Variants in NAPB observed in about 807,000 individuals in gnomAD.
NAPB encodes beta-soluble NSF attachment protein.
NAPB carries 26 observed loss-of-function variants against 44.7 expected under a neutral mutation model. The ratio of observed to expected loss-of-function variants is 0.58; its 90% CI spans 0.43 to 0.81. The LOEUF is 0.81. Ranked by LOEUF, NAPB falls within the 30% of genes least tolerant of loss-of-function variation. NAPB has a pLI of 0.00. For synonymous variants in NAPB, 120 were observed against 116.8 expected (o/e 1.03, Z -0.18); for missense variants, 315 against 356.4 (o/e 0.88, Z 0.94).
Position 23,395,200 on chromosome 20 carries a change from T to C in NAPB, c.296-15A>G. On this transcript the variant is annotated splice_polypyrimidine_tract_variant and intron_variant, in intron 3 of 10. Transcript: ENST00000377026. The stretch of plus-strand genomic sequence containing the variant: ...GTTGATAGCCTCTGAAGCGTAGGCA[T>C]TTAAGAAAAACAATGAAAAATCCAT... 1 of 1,613,940 alleles carries C rather than the reference T, an allele frequency of 6.2e-7. No individual in the cohort carries two copies. Among genetic ancestry groups the C allele is most frequent in the Non-Finnish European group, 8.5e-7 (1 of 1,179,874 alleles).
rs139307903 is a variant in NAPB at position 23,391,973 on chromosome 20, G to A, written c.421-1709C>T. The stretch of plus-strand genomic sequence containing the variant: ...TTAAGTGGCTTCAAGGCAGCTCCTA[G>A]TGAGTTAGAAGAGATTTGCAGGGAC... On this transcript the variant is annotated intron_variant, in intron 5 of 10. Transcript: ENST00000377026. 6.4e-4 allele frequency among the ~76,000 whole-genome samples: 97 copies of A among 152,364 alleles called. 3 individuals carry two copies. The East Asian group carries it at 0.018, about 28-fold the overall frequency.
At chr20:23,384,102 ATTC>A (rs1311091211) in intron 7 of NAPB, among the ~76,000 whole-genome samples, 1 of 152,202 alleles carries the variant, frequency 6.6e-6, no homozygotes, top group Non-Finnish European at 1.5e-5. Context: ...AAAATACAGT[ATTC>A]TTAGGAATTC....
At chr20:23,418,543 T>TC (rs1267574202) in intron 1 of NAPB, among the ~76,000 whole-genome samples, 1 of 151,986 alleles carries the variant, frequency 6.6e-6, no homozygotes, top group Non-Finnish European at 1.5e-5. Flanking sequence ...CTGCAAGCTT[T>TC]CCTGGAGCAA....
rs1158399804 is a variant in NAPB at position 23,390,279 on chromosome 20, A to G, written c.421-15T>C. The G allele has an allele frequency of 1.3e-6, 2 of 1,597,098 alleles. No homozygotes were observed. Among genetic ancestry groups the G allele is most frequent in the Non-Finnish European group, 1.7e-6 (2 of 1,165,260 alleles). The stretch of plus-strand genomic sequence containing the variant: ...TGTGCAATAGCCTGAAAACATACAT[A>G]TTTTATTCACACACAATTTATTTGG... On this transcript the variant is annotated splice_polypyrimidine_tract_variant and intron_variant, in intron 5 of 10. Coordinates refer to ENST00000377026, the MANE Select transcript of NAPB (RefSeq NM_022080.3).
At chr20:23,417,320 G>A (rs1204344177) in intron 1 of NAPB, among the ~76,000 whole-genome samples, 1 of 152,176 alleles carries the variant, frequency 6.6e-6, no homozygotes, top group African/African-American at 2.4e-5. Context: ...CTGACCTCAA[G>A]TGATCCACCC....
intron 2 of NAPB, among the ~76,000 whole-genome samples, chr20:23,402,070 A>G (rs915374436): frequency 5.3e-5 from 8 of 152,268 alleles, no homozygotes; most frequent in African/African-American, 1.7e-4. Context: ...AAAATAGCAT[A>G]TCTAAAGCCT....
chr20:23,405,574 A>C (rs1025227004), intron 1 of NAPB, among the ~76,000 whole-genome samples: 1 of 152,100 alleles, frequency 6.6e-6, no homozygotes, highest in African/African-American at 2.4e-5. Context: ...AAATACAAAA[A>C]TTAGCTGGGC....
chr20:23,380,264 A>C (rs1318624934), intron 8 of NAPB, among the ~76,000 whole-genome samples: 2 of 152,196 alleles, frequency 1.3e-5, no homozygotes, highest in Non-Finnish European at 2.9e-5. Flanking sequence ...ATTCCAAATA[A>C]ATTACATTTA....
chr20:23,402,398 T>C (rs1429638719), intron 2 of NAPB, among the ~76,000 whole-genome samples: 1 of 152,100 alleles, frequency 6.6e-6, no homozygotes, highest in Non-Finnish European at 1.5e-5. Context: ...CCAATGAAAA[T>C]AATAATCCTG....
At chr20:23,402,197 G>A (rs1984903641) in intron 2 of NAPB, among the ~76,000 whole-genome samples, 1 of 152,092 alleles carries the variant, frequency 6.6e-6, no homozygotes, top group Non-Finnish European at 1.5e-5. Context: ...CCTTGAAACA[G>A]CTTGTAGAGG....
At chr20:23,410,775 T>C (rs1356684064) in intron 1 of NAPB, among the ~76,000 whole-genome samples, 1 of 152,028 alleles carries the variant, frequency 6.6e-6, no homozygotes, top group East Asian at 1.9e-4. Context: ...TTAAAATACG[T>C]TCCCTAAAAC....
intron 1 of NAPB, among the ~76,000 whole-genome samples, chr20:23,417,097 T>C (rs1986056802): frequency 6.6e-6 from 1 of 151,598 alleles, no homozygotes; most frequent in Non-Finnish European, 1.5e-5. Context: ...TTTTTTTTTT[T>C]TTTTGAGACG....
chr20:23,383,127 C>T (rs931076428), intron 7 of NAPB, among the ~76,000 whole-genome samples: 12 of 136,810 alleles, frequency 8.8e-5, no homozygotes, highest in East Asian at 2.1e-4. Flanking sequence ...TAAACTGGCA[C>T]GCCTGGGCGA....
chr20:23,387,799 G>T (rs1983639194), intron 7 of NAPB, among the ~76,000 whole-genome samples: 2 of 152,152 alleles, frequency 1.3e-5, no homozygotes, highest in Admixed American at 1.3e-4. Context: ...GTATTGTTAA[G>T]ATGGCAATAC....
rs1375697331 is a variant in NAPB at position 23,379,684 on chromosome 20, C to G, written c.735+183G>C. 7.5e-6 allele frequency: 5 copies of G among 664,262 alleles called. No homozygotes were observed. The Admixed American group carries it at 9.1e-5, about 12-fold the overall frequency. 41.1% of individuals were successfully genotyped at this position (664,262 alleles called of 1,614,324 possible). On this transcript the variant is annotated intron_variant, in intron 9 of 10. Transcript: ENST00000377026. The stretch of plus-strand genomic sequence containing the variant: ...CATTTCTCAGGTGCCTATTTCAGAA[C>G]ACAACTACATGTTTCTGACCTTAAT...
intron 7 of NAPB, among the ~76,000 whole-genome samples, chr20:23,385,474 C>A (rs1983421874): frequency 6.6e-6 from 1 of 152,062 alleles, no homozygotes; most frequent in Non-Finnish European, 1.5e-5. Context: ...GAAAGAAAAT[C>A]AAAGGCCAAT....
In NAPB at chr20:23,394,996, T is replaced by A. The variant is rs373515530; in HGVS notation, c.346A>T (p.Arg116Trp). 1.9e-6 allele frequency: 3 copies of A among 1,614,138 alleles called. No homozygotes were observed. Among genetic ancestry groups the A allele is most frequent in the Non-Finnish European group, 2.5e-6 (3 of 1,179,982 alleles). Reference sequence around the variant, plus strand: ...TGGTGCTTGGCTGCAATTGTAAACCTTCCCTAGGGGAAAAAACAAGAAACA... The same window carrying A: ...TGGTGCTTGGCTGCAATTGTAAACCATCCCTAGGGGAAAAAACAAGAAACA... ...AAIDIYTDMGRFTIAAKHHIT... is the reference protein window; with the variant it reads ...AAIDIYTDMGWFTIAAKHHIT... Residue 116 changes from arginine to tryptophan, a missense_variant, in exon 5 of 11, where the codon AGG becomes TGG. Arg to Trp is a moderately radical substitution (Grantham distance 101, BLOSUM62 -3). Coordinates refer to ENST00000377026, the MANE Select transcript of NAPB (RefSeq NM_022080.3).
intron 1 of NAPB, among the ~76,000 whole-genome samples, chr20:23,419,118 A>C (rs1208402657): frequency 1.3e-5 from 2 of 152,232 alleles, no homozygotes; most frequent in African/African-American, 4.8e-5. Flanking sequence ...TTTTATAAAC[A>C]TAACCTCACT....
intron 1 of NAPB, among the ~76,000 whole-genome samples, chr20:23,411,257 C>T (rs1332631208): frequency 6.6e-6 from 1 of 152,156 alleles, no homozygotes; most frequent in Non-Finnish European, 1.5e-5. Context: ...GAAACATATC[C>T]TAGTAAGATG....
Sources: allele counts gnomAD v4.1 joint callset (sites outside exome capture counted in the v4.1 genomes callset), GRCh38; gene constraint gnomAD v4.1.1; transcripts MANE v1.5; gene names NCBI Gene and HGNC (gene_info 2026-07-23, HGNC 2026-07-21).